The following SYNE2 variants were observed in gnomAD, a reference collection of about 807,000 sequenced individuals.
SYNE2 encodes the protein nesprin-2.
A neutral mutation model predicts 856.3 loss-of-function variants in SYNE2; 431 were observed. The ratio of observed to expected loss-of-function variants is 0.50; its 90% CI spans 0.47 to 0.55. The LOEUF (loss-of-function observed/expected upper bound fraction) is 0.55. Among genes scored for constraint, SYNE2 ranks in the 20% least tolerant of loss-of-function variants. SYNE2 has a pLI of 0.00. For missense variants in SYNE2, 8,129 were observed against 8,023.2 expected, an observed-to-expected ratio of 1.01 and a Z score of -0.50; for synonymous variants, 2,923 against 2,872.3, an observed-to-expected ratio of 1.02 and a Z score of -0.56.
At chr14:64,210,151 T>G (rs1262714377) in intron 103 of SYNE2, 27 bp downstream of exon 103, 2 of 1,610,252 alleles carry the variant, frequency 1.2e-6, no homozygotes, top group Admixed American at 1.7e-5. Flanking sequence ...CTGGCTCGGG[T>G]GTAGATTTTC....
chr14:64,203,526 G>A (rs190572190), intron 100 of SYNE2, among the ~76,000 whole-genome samples: 106 of 152,284 alleles, frequency 7.0e-4, no homozygotes, highest in African/African-American at 2.5e-3. Context: ...GCTGAGTTCT[G>A]CCAGTGTTTC....
chr14:63,872,087 G>C (rs1012000381), intron 1 of SYNE2, among the ~76,000 whole-genome samples: 2 of 152,138 alleles, frequency 1.3e-5, no homozygotes, highest in Non-Finnish European at 2.9e-5. Flanking sequence ...GCCGTGTCAA[G>C]TTGTACCAGC....
In SYNE2 at chr14:64,025,389, A is replaced by T; in HGVS notation, c.6220A>T (p.Met2074Leu). Residue 2074 changes from methionine to leucine, a missense_variant, in exon 41 of 116, where the codon ATG becomes TTG. By Grantham distance (15) the Met-to-Leu change is conservative. Around this residue, in one of 3 missense-constraint regions of SYNE2, gnomAD observed 297 missense variants for 380.9 expected, o/e 0.78. Transcript: ENST00000555002. ...LMVLNSSEGK[M>L]PLEERIQKIK... ...GGTTTTGAATTCATCCGAAGGCAAA[A>T]TGCCACTTGAGGAAAGAATCCAAAA... The T allele has an allele frequency of 6.2e-7, 1 of 1,613,502 alleles. No homozygotes were observed. Among genetic ancestry groups the T allele is most frequent in the Non-Finnish European group, 8.5e-7 (1 of 1,179,948 alleles).
chr14:64,084,810 C>G (rs559279796), intron 57 of SYNE2: 1 of 592,658 alleles, frequency 1.7e-6, no homozygotes, highest in Admixed American at 2.8e-5. Flanking sequence ...CTAAGTATCT[C>G]TGGCTCAAGG....
At chr14:64,205,955 A>G (rs1042214085) in intron 100 of SYNE2, among the ~76,000 whole-genome samples, 2 of 151,852 alleles carry the variant, frequency 1.3e-5, no homozygotes, top group Non-Finnish European at 2.9e-5. Flanking sequence ...TCCCAATACC[A>G]TCCTGTCCCA....
At chr14:64,102,318 T>C (rs1233920892) in intron 64 of SYNE2, among the ~76,000 whole-genome samples, 1 of 152,200 alleles carries the variant, frequency 6.6e-6, no homozygotes, top group African/African-American at 2.4e-5. Flanking sequence ...GGTTTCGCCA[T>C]GTTGCCTGAC....
intron 56 of SYNE2, among the ~76,000 whole-genome samples, 183 bp downstream of exon 56, chr14:64,080,821 A>T (rs1164500708): frequency 6.6e-6 from 1 of 152,206 alleles, no homozygotes; most frequent in Admixed American, 6.5e-5. Flanking sequence ...GCAGGCAGGA[A>T]GTCTGATTGG....
chr14:64,163,136 C>T (rs1278932891), intron 88 of SYNE2, among the ~76,000 whole-genome samples: 1 of 152,204 alleles, frequency 6.6e-6, no homozygotes, highest in East Asian at 1.9e-4. Flanking sequence ...CTCAGGTTGT[C>T]TCCAGTTTCT....
chr14:63,816,273 GC>G (rs1888990834), intron 1 of SYNE2, among the ~76,000 whole-genome samples: 1 of 151,960 alleles, frequency 6.6e-6, no homozygotes, highest in African/African-American at 2.4e-5. Flanking sequence ...CCATATAGAG[GC>G]CTAATTTTGG....
intron 1 of SYNE2, among the ~76,000 whole-genome samples, chr14:63,818,024 C>CAAAAAAAAAAA (rs34186501): frequency 7.7e-5 from 5 of 64,768 alleles, no homozygotes; most frequent in Non-Finnish European, 1.1e-4. Flanking sequence ...GACCCTTTCT[C>CAAAAAAAAAAA]AAAAAAAAAA....
At chr14:63,887,497 A>G (rs1205716744) in intron 1 of SYNE2, among the ~76,000 whole-genome samples, 1 of 152,148 alleles carries the variant, frequency 6.6e-6, no homozygotes, top group Non-Finnish European at 1.5e-5. Flanking sequence ...TGGCTGTGGA[A>G]GAGAGAGCCC....
At chr14:64,190,857 C>T in intron 99 of SYNE2, 1 of 692,386 alleles carries the variant, frequency 1.4e-6, no homozygotes, top group South Asian at 1.5e-5. Flanking sequence ...TTTATCTCTC[C>T]TCCCAAAATG....
At chr14:64,081,181 G>A (rs2097520453) in intron 56 of SYNE2, among the ~76,000 whole-genome samples, 1 of 152,180 alleles carries the variant, frequency 6.6e-6, no homozygotes, top group South Asian at 2.1e-4. Context: ...CAGAATACTT[G>A]CAAGGCTAAC....
chr14:63,974,904 A>G lies in SYNE2; in HGVS notation c.1129-1659A>G, dbSNP rs572806359. On this transcript the variant is annotated intron_variant, in intron 11 of 115. Transcript: ENST00000555002. ...TGTGTGTGTGTGTGTATATATATAT[A>G]TATATATATATATGTATCTTGAGAC... is the stretch of plus-strand genomic sequence containing the variant. 5.2e-3 allele frequency among the ~76,000 whole-genome samples: 229 copies of G among 43,908 alleles called. 3 individuals are homozygous for G. The highest frequency in any genetic ancestry group is 0.014 in the African/African-American group (155 of 11,014). The allele number at this position is 43,908 out of a possible 152,430, so 28.8% of individuals were successfully genotyped here.
chr14:63,861,889 TA>T (rs1893838071), intron 1 of SYNE2, among the ~76,000 whole-genome samples: 1 of 152,190 alleles, frequency 6.6e-6, no homozygotes, highest in South Asian at 2.1e-4. Flanking sequence ...AAATTGGACT[TA>T]AAAAACTTTA....
rs180943849 is a variant in SYNE2, at chr14:63,991,290, G to T, written c.2646+175G>T. Reference sequence around the variant, plus strand: ...TATTAAACGTAAGTATTCAAGTATAGAATTTTTTTATTCAAATTTTATTGT... The same window carrying T: ...TATTAAACGTAAGTATTCAAGTATATAATTTTTTTATTCAAATTTTATTGT... On this transcript the variant is annotated intron_variant, in intron 21 of 115. Coordinates refer to ENST00000555002, the MANE Select transcript of SYNE2 (RefSeq NM_182914.3). Among the ~76,000 whole-genome samples the T allele has an allele frequency of 9.9e-4, 150 of 152,222 alleles. 1 individual carries two copies. The highest frequency in any genetic ancestry group is 3.5e-3 in the African/African-American group (145 of 41,546).
intron 57 of SYNE2, among the ~76,000 whole-genome samples, chr14:64,083,638 A>G (rs940019747): frequency 1.6e-4 from 25 of 152,218 alleles, no homozygotes; most frequent in African/African-American, 6.0e-4. Flanking sequence ...TAAGTCCCAA[A>G]TAACTAGTCC....
intron 104 of SYNE2, 104 bp from the exon 105 acceptor site, chr14:64,212,707 A>C (rs1220502760): frequency 9.3e-7 from 1 of 1,070,162 alleles, no homozygotes; most frequent in African/African-American, 1.6e-5. Flanking sequence ...GGAAAACAAC[A>C]ATAATGACAT....
At chr14:64,184,742 G>C (rs2098480220) in intron 96 of SYNE2, among the ~76,000 whole-genome samples, 1 of 152,190 alleles carries the variant, frequency 6.6e-6, no homozygotes. Context: ...GAGACCAAAA[G>C]TAGGTAATAA....
Sources: allele counts gnomAD v4.1 joint callset (sites outside exome capture counted in the v4.1 genomes callset), GRCh38; gene constraint gnomAD v4.1.1; regional missense constraint gnomAD v4.1.1; transcripts MANE v1.5; gene names NCBI Gene and HGNC (gene_info 2026-07-23, HGNC 2026-07-21).